Variants in PAF1 observed in about 807,000 individuals in gnomAD.
PAF1 encodes the protein RNA polymerase II-associated factor 1 homolog.
A neutral mutation model predicts 68.4 loss-of-function variants in PAF1; 31 were observed. That is an observed-to-expected ratio of 0.45 (90% CI 0.34 to 0.61). The LOEUF (loss-of-function observed/expected upper bound fraction) is 0.61, where lower values mean the gene tolerates loss of function less well. Among genes scored for constraint, PAF1 ranks in the 20% least tolerant of loss-of-function variants. The pLI is 0.01. For synonymous variants in PAF1, 256 were observed against 240.5 expected (o/e 1.06, Z -0.60); for missense variants, 435 against 692.9 (o/e 0.63, Z 4.18).
At chr19:39,387,833 T>C (rs1462941136) in intron 11 of PAF1, among the ~76,000 whole-genome samples, 3 of 152,248 alleles carry the variant, frequency 2.0e-5, no homozygotes, top group Non-Finnish European at 4.4e-5. Flanking sequence ...AGGCTCTAAA[T>C]GTCTCCTGCA....
At position 39,389,971 on chromosome 19, in the gene PAF1, A is replaced by G. The variant is rs910909564; in HGVS notation, c.170+98T>C. ...GCTACTACTATGTGCTAGGGTAGGT[A>G]CTGTGCTAGGCCCTGAGCAGACAGC... is the stretch of plus-strand genomic sequence containing the variant. On this transcript the variant is annotated intron_variant, in intron 3 of 13. Coordinates refer to ENST00000221265, the MANE Select transcript of PAF1 (RefSeq NM_019088.4). This position sits in a 1 kb window ranked among gnomAD's most constrained non-coding sequence, Gnocchi z 5.3. The G allele has an allele frequency of 9.2e-7, 1 of 1,088,072 alleles. No individual in the cohort carries two copies. The highest frequency in any genetic ancestry group is 1.3e-5 in the South Asian group (1 of 76,114). The allele number at this position is 1,088,072 out of a possible 1,614,324, so 67.4% of individuals were successfully genotyped here. A position where few individuals can be genotyped will look rare whatever the true frequency, so the allele number is the denominator to read the frequency against.
rs1308964856 is a variant in PAF1 at position 39,386,936 on chromosome 19, A to T, written c.987-137T>A. 1 of 656,520 alleles carries T rather than the reference A, an allele frequency of 1.5e-6. No homozygotes were observed. Among genetic ancestry groups the T allele is most frequent in the East Asian group, 2.7e-5 (1 of 36,876 alleles). 40.7% of individuals were successfully genotyped at this position (656,520 alleles called of 1,614,324 possible). A position where few individuals can be genotyped will look rare whatever the true frequency, so the allele number is the denominator to read the frequency against. The stretch of plus-strand genomic sequence containing the variant: ...TTAGAGTAAATGGGAATAAATACAG[A>T]TTGAATAAGGGCAGCTAAGCTCAAG... On this transcript the variant is annotated intron_variant, in intron 11 of 13. Transcript: ENST00000221265. This position sits in a 1 kb window ranked among gnomAD's most constrained non-coding sequence, Gnocchi z 6.1.
chr19:39,387,313 G>A (rs2078274920), intron 11 of PAF1: 2 of 288,810 alleles, frequency 6.9e-6, no homozygotes, highest in Admixed American at 6.6e-5. Context: ...CTATCTTAAG[G>A]GACCACCATA....
In PAF1 at chr19:39,388,354, T is replaced by C; in HGVS notation, c.971A>G (p.Asn324Ser). 1 of 1,614,060 alleles carries C rather than the reference T, an allele frequency of 6.2e-7. No homozygotes were observed. Among genetic ancestry groups the C allele is most frequent in the African/African-American group, 1.3e-5 (1 of 75,032 alleles). ...IFREGDGVYY[N>S]ELETRVRLSK... is the part of the protein sequence containing the mutation. Reference sequence around the variant, plus strand: ...TGCTGAGTACCTGGTTTCCAACTCATTGTAGTAAACCCCGTCACCCTCTCG... The same window carrying C: ...TGCTGAGTACCTGGTTTCCAACTCACTGTAGTAAACCCCGTCACCCTCTCG... The change falls in exon 11 of 14, where the codon AAT (asparagine) becomes AGT (serine). Residue 324 changes from asparagine to serine, a missense_variant. By Grantham distance (46) the Asn-to-Ser change is conservative. Transcript: ENST00000221265.
At position 39,389,254 on chromosome 19, in the gene PAF1, C is replaced by A. The variant is rs1192695398; in HGVS notation, c.461+28G>T. 1 of 1,609,138 alleles carries A rather than the reference C, an allele frequency of 6.2e-7. No homozygotes were observed. The highest frequency in any genetic ancestry group is 1.1e-5 in the South Asian group (1 of 90,984). The stretch of plus-strand genomic sequence containing the variant: ...CACTGGACACACCTAATATCTCCAC[C>A]TTCCCTCTCTTCCTGTTAGTAACTT... On this transcript the variant is annotated intron_variant, in intron 6 of 13. Transcript: ENST00000221265. This position sits in a 1 kb window ranked among gnomAD's most constrained non-coding sequence, Gnocchi z 5.3.
rs530775880 is a variant in PAF1, at chr19:39,385,789, C to T, written c.*202G>A. The T allele has an allele frequency of 1.2e-3, 829 of 717,068 alleles. 12 individuals carry two copies. In the South Asian group the frequency reaches 0.016, roughly 13 times the overall value. 44.4% of individuals were successfully genotyped at this position (717,068 alleles called of 1,614,324 possible). ...TAAGCCTCAAGCCAAGATCCTTGAG[C>T]ACCTGGGGGTTGCGGGAGGTATGTG... On this transcript the variant is annotated 3_prime_UTR_variant, in exon 14 of 14. Coordinates refer to ENST00000221265, the MANE Select transcript of PAF1 (RefSeq NM_019088.4).
Position 39,386,522 on chromosome 19 carries a change from T to C in PAF1, c.1143A>G (p.Glu381=), listed in dbSNP as rs762704308. The stretch of plus-strand genomic sequence containing the variant: ...CTTTCTCTTCTGTCTCCATCTCCTC[T>C]TCCTCTTCCTCCTCCGGTTCGTGGT... The part of the protein sequence containing the change: ...LENHEPEEEE[E]EEMETEEKEA... Residue 381 remains glutamate (E), a synonymous_variant, in exon 13 of 14, where the codon GAA becomes GAG. Coordinates refer to ENST00000221265, the MANE Select transcript of PAF1 (RefSeq NM_019088.4). The surrounding 1 kb of genome is among the most constrained non-coding windows in gnomAD (Gnocchi z 6.1). 1 of 1,614,174 alleles carries C rather than the reference T, an allele frequency of 6.2e-7. No homozygotes were observed. Among genetic ancestry groups the C allele is most frequent in the East Asian group, 2.2e-5 (1 of 44,882 alleles).
chr19:39,389,076 C>T lies in PAF1; in HGVS notation c.567+17G>A, dbSNP rs2078316222. On this transcript the variant is annotated intron_variant, in intron 7 of 13. Transcript: ENST00000221265. This position sits in a 1 kb window ranked among gnomAD's most constrained non-coding sequence, Gnocchi z 5.3. ...CAGCCGCACCCTTGCCTCTCCCCAT[C>T]CCAGTCCCTCAATTACTGATTTCTG... 6.2e-7 allele frequency: 1 copy of T among 1,612,534 alleles called. No individual in the cohort carries two copies. Among genetic ancestry groups the T allele is most frequent in the African/African-American group, 1.3e-5 (1 of 74,892 alleles).
chr19:39,387,229 T>C (rs1342197302), intron 11 of PAF1: 1 of 419,798 alleles, frequency 2.4e-6, no homozygotes, highest in South Asian at 1.8e-5. Context: ...TACTGAATAC[T>C]GCAGGCAATT....
intron 10 of PAF1, 34 bp downstream of exon 10, chr19:39,388,526 C>T (rs1182111950): frequency 3.1e-6 from 5 of 1,613,412 alleles, no homozygotes; most frequent in Non-Finnish European, 4.2e-6. Context: ...CCCAAAACTT[C>T]CCAATCCCCA....
chr19:39,388,378 C>T lies in PAF1; in HGVS notation c.947G>A (p.Arg316Gln), dbSNP rs571733297. The change falls in exon 11 of 14, where the codon CGA becomes CAA. Residue 316 changes from arginine (R) to glutamine (Q), a missense_variant. This residue lies in a region of PAF1 where 151 missense variants were observed against 306.3 expected (regional missense o/e 0.49). Transcript: ENST00000221265. Reference protein sequence around the residue: ...GYEENYFFIFREGDGVYYNEL... With the variant: ...GYEENYFFIFQEGDGVYYNEL... Reference sequence around the variant, plus strand: ...ATTGTAGTAAACCCCGTCACCCTCTCGGAAGATGAAGAAGTAGTTTTCCTC... The same window carrying T: ...ATTGTAGTAAACCCCGTCACCCTCTTGGAAGATGAAGAAGTAGTTTTCCTC... The T allele has an allele frequency of 6.8e-6, 11 of 1,614,082 alleles. No individual in the cohort carries two copies. The highest frequency in any genetic ancestry group is 3.3e-5 in the South Asian group (3 of 91,068).
At position 39,388,366 on chromosome 19, in the gene PAF1, C is replaced by T. The variant is rs745419714; in HGVS notation, c.959G>A (p.Gly320Glu). ...NYFFIFREGD[G>E]VYYNELETRV... ...GGTTTCCAACTCATTGTAGTAAACC[C>T]CGTCACCCTCTCGGAAGATGAAGAA... The change falls in exon 11 of 14, where the codon GGG becomes GAG. Residue 320 changes from glycine (G) to glutamate (E), a missense_variant. Around this residue, in one of 7 missense-constraint regions of PAF1, gnomAD observed 151 missense variants for 306.3 expected, o/e 0.49. Transcript: ENST00000221265. 2 of 1,613,998 alleles carry T rather than the reference C, an allele frequency of 1.2e-6. No homozygotes were observed. Among genetic ancestry groups the T allele is most frequent in the South Asian group, 1.1e-5 (1 of 91,076 alleles).
intron 11 of PAF1, among the ~76,000 whole-genome samples, chr19:39,387,864 G>T (rs540087436): frequency 6.6e-6 from 1 of 152,218 alleles, no homozygotes; most frequent in East Asian, 1.9e-4. Flanking sequence ...CTGGCTGGGC[G>T]TGGTGGCTCA....
rs2078338395 is a variant in PAF1 at position 39,389,976 on chromosome 19, G to A, written c.170+93C>T. 4 of 1,122,328 alleles carry A rather than the reference G, an allele frequency of 3.6e-6. No individual in the cohort carries two copies. In the Admixed American group the frequency reaches 6.9e-5, roughly 19 times the overall value. The allele number at this position is 1,122,328 out of a possible 1,614,324, so 69.5% of individuals were successfully genotyped here. A position where few individuals can be genotyped will look rare whatever the true frequency, so the allele number is the denominator to read the frequency against. On this transcript the variant is annotated intron_variant, in intron 3 of 13. Transcript: ENST00000221265. The surrounding 1 kb of genome is among the most constrained non-coding windows in gnomAD (Gnocchi z 5.3). Reference sequence around the variant, plus strand: ...TACTATGTGCTAGGGTAGGTACTGTGCTAGGCCCTGAGCAGACAGCAGCCA... The same window carrying A: ...TACTATGTGCTAGGGTAGGTACTGTACTAGGCCCTGAGCAGACAGCAGCCA...
Position 39,386,263 on chromosome 19 carries a change from C to T in PAF1, c.1324G>A (p.Asp442Asn). ...SGSGEDESSE[D>N]EARAARDKEE... The stretch of plus-strand genomic sequence containing the variant: ...TTGTCACGGGCAGCCCGGGCCTCAT[C>T]CTCGCTGCTCTCGTCCTCACCACTG... The change falls in exon 14 of 14, where the codon GAT becomes AAT. Residue 442 changes from aspartate to asparagine, a missense_variant. This residue lies in a region of PAF1 where 78 missense variants were observed against 80.6 expected (regional missense o/e 0.97). Coordinates refer to ENST00000221265, the MANE Select transcript of PAF1 (RefSeq NM_019088.4). This position sits in a 1 kb window ranked among gnomAD's most constrained non-coding sequence, Gnocchi z 6.1. 6.2e-7 allele frequency: 1 copy of T among 1,614,200 alleles called. No individual in the cohort carries two copies. Among genetic ancestry groups the T allele is most frequent in the East Asian group, 2.2e-5 (1 of 44,886 alleles).
In PAF1 at chr19:39,389,509, C is replaced by T. The variant is rs776163993; in HGVS notation, c.330G>A (p.Glu110=). The change falls in exon 5 of 14, where the codon GAG becomes GAA. Residue 110 remains glutamate (E), a synonymous_variant. Transcript: ENST00000221265. This position sits in a 1 kb window ranked among gnomAD's most constrained non-coding sequence, Gnocchi z 5.3. ...TGGAGCTGGTGGGGGCCTGAATCTC[C>T]TCTTCCAAAAGTTTCTCATCAGCTG... ...LDPADEKLLE[E]EIQAPTSSKR... 17 of 1,614,084 alleles carry T rather than the reference C, an allele frequency of 1.1e-5. No homozygotes were observed. In the Admixed American group the frequency reaches 1.8e-4, roughly 17 times the overall value.
intron 2 of PAF1, 45 bp downstream of exon 2, chr19:39,390,215 A>AGCCCCACT (rs754921729): frequency 6.2e-7 from 1 of 1,613,308 alleles, no homozygotes; most frequent in Non-Finnish European, 8.5e-7. Flanking sequence ...CTCTGCTCCC[A>AGCCCCACT]GCCCCACTGC....
Position 39,386,120 on chromosome 19 carries a change from AC to A in PAF1, c.1466del (p.Gly489ValfsTer69). ...DNDSDSGSNG[G>X]GQRSRSHSRS... is the part of the protein sequence containing the mutation. ...GGCTGTGGCTCCGGCTCCGCTGGCC[AC>A]CCCCATTGCTGCCGCTGTCTGAATC... On this transcript the variant is annotated frameshift_variant, in exon 14 of 14. Transcript: ENST00000221265. LOFTEE classifies it high-confidence loss of function. This position sits in a 1 kb window ranked among gnomAD's most constrained non-coding sequence, Gnocchi z 6.1. The A allele has an allele frequency of 6.2e-7, 1 of 1,613,702 alleles. No individual in the cohort carries two copies. Among genetic ancestry groups the A allele is most frequent in the Non-Finnish European group, 8.5e-7 (1 of 1,179,952 alleles).
intron 1 of PAF1, 65 bp from the exon 2 acceptor site, chr19:39,390,354 C>T: frequency 4.1e-6 from 6 of 1,463,956 alleles, no homozygotes; most frequent in Non-Finnish European, 5.6e-6. Flanking sequence ...ATGAAAAAGG[C>T]TTCCCCAACC....
Sources: gnomAD v4.1 joint callset for allele counts (sites outside exome capture counted in the v4.1 genomes callset) on GRCh38, gnomAD v4.1.1 for gene constraint, gnomAD v4.1.1 regional missense constraint, Gnocchi (gnomAD v3.1) non-coding constraint, MANE v1.5 for transcripts, NCBI Gene and HGNC (gene_info 2026-07-23, HGNC 2026-07-21) for gene names.